OSTN: variants seen among roughly 807,000 people sequenced by gnomAD.
OSTN encodes osteocrin.
Under a neutral mutation model 12.0 loss-of-function variants are expected in OSTN, and 9 were observed. That is an observed-to-expected ratio of 0.75 (90% CI 0.45 to 1.30). The LOEUF (loss-of-function observed/expected upper bound fraction) is 1.30, where lower values mean the gene tolerates loss of function less well. Among genes scored for constraint, OSTN ranks in the 50% most tolerant of loss-of-function variants. The pLI is 0.00. For synonymous variants in OSTN, 59 were observed against 56.9 expected (o/e 1.04, Z -0.16); for missense variants, 148 against 152.3 (o/e 0.97, Z 0.15).
intron 2 of OSTN, 103 bp downstream of exon 2, chr3:191,212,737 C>A: frequency 4.5e-6 from 1 of 221,802 alleles, no homozygotes; most frequent in Non-Finnish European, 8.2e-6. Flanking sequence ...ATTTCATATA[C>A]GTAAATATAA....
chr3:191,251,343 T>C (rs906663044), intron 4 of OSTN, among the ~76,000 whole-genome samples: 3 of 152,168 alleles, frequency 2.0e-5, no homozygotes, highest in Non-Finnish European at 4.4e-5. Context: ...TAGCAATATG[T>C]TTTCTTCCAA....
intron 2 of OSTN, among the ~76,000 whole-genome samples, chr3:191,214,460 A>G (rs200647378): frequency 0.14 from 19,276 of 140,816 alleles, 2,201 homozygotes; most frequent in East Asian, 0.27. Flanking sequence ...AAAAAAAAAA[A>G]AACAGCAACA....
chr3:191,204,846 CT>C (rs1714232463), intron 1 of OSTN, among the ~76,000 whole-genome samples: 3 of 152,132 alleles, frequency 2.0e-5, no homozygotes, highest in Admixed American at 2.0e-4. Context: ...CCCTAAGTGA[CT>C]GTTGGGTGTA....
chr3:191,221,673 G>A (rs1714767647), intron 3 of OSTN, among the ~76,000 whole-genome samples: 1 of 151,964 alleles, frequency 6.6e-6, no homozygotes, highest in Non-Finnish European at 1.5e-5. Context: ...GAGGAAGCAG[G>A]GCATAAAAGT....
chr3:191,218,947 CA>C lies in OSTN; in HGVS notation c.306del (p.Gly103ValfsTer6). The C allele has an allele frequency of 6.2e-7, 1 of 1,613,390 alleles. No individual in the cohort carries two copies. The highest frequency in any genetic ancestry group is 1.1e-5 in the South Asian group (1 of 91,000). The part of the protein sequence containing the change: ...DRLSAGSVDH[K>X]GKQRKVVDHP... ...GACTCTCAGCTGGCTCTGTAGATCA[CA>C]AAGGTAAACAGAGGTAAGTGAACTC... On this transcript the variant is annotated frameshift_variant, in exon 3 of 5. Coordinates refer to ENST00000682035, the MANE Select transcript of OSTN (RefSeq NM_198184.2). LOFTEE classifies it high-confidence loss of function.
chr3:191,207,974 A>G (rs1284708869), intron 1 of OSTN, among the ~76,000 whole-genome samples: 2 of 152,234 alleles, frequency 1.3e-5, no homozygotes, highest in African/African-American at 4.8e-5. Flanking sequence ...TTGTTTATTC[A>G]GCAGAATTAT....
chr3:191,201,093 T>A (rs561175630), intron 1 of OSTN, among the ~76,000 whole-genome samples: 43 of 152,258 alleles, frequency 2.8e-4, no homozygotes, highest in South Asian at 1.2e-3. Flanking sequence ...AGGCTTCATT[T>A]TTTATTTATT....
At chr3:191,222,676 A>ATGAGATT (rs1378800278) in intron 3 of OSTN, among the ~76,000 whole-genome samples, 2 of 152,118 alleles carry the variant, frequency 1.3e-5, no homozygotes, top group Admixed American at 1.3e-4. Context: ...ATGGGAAGAT[A>ATGAGATT]TGAGATTTGG....
At chr3:191,222,622 T>G (rs1425577702) in intron 3 of OSTN, among the ~76,000 whole-genome samples, 1 of 152,212 alleles carries the variant, frequency 6.6e-6, no homozygotes, top group Non-Finnish European at 1.5e-5. Flanking sequence ...TGGAATGAGT[T>G]AAGATTTTGT....
chr3:191,211,566 T>A (rs1714417484), intron 1 of OSTN, among the ~76,000 whole-genome samples: 1 of 152,140 alleles, frequency 6.6e-6, no homozygotes, highest in South Asian at 2.1e-4. Context: ...CATTTTCAAC[T>A]TTTTTGTAAA....
intron 3 of OSTN, among the ~76,000 whole-genome samples, chr3:191,245,206 C>G (rs996440787): frequency 1.3e-5 from 2 of 152,124 alleles, no homozygotes; most frequent in African/African-American, 2.4e-5. Flanking sequence ...TACCTGATTA[C>G]CACTTTTCAA....
intron 3 of OSTN, among the ~76,000 whole-genome samples, chr3:191,240,474 C>T (rs565342511): frequency 6.6e-6 from 1 of 152,192 alleles, no homozygotes; most frequent in Admixed American, 6.5e-5. Flanking sequence ...TCTTCTCTCA[C>T]GGAATCTCAG....
chr3:191,229,995 G>A (rs1715009176), intron 3 of OSTN: 1 of 151,644 alleles, frequency 6.6e-6, no homozygotes, highest in Admixed American at 6.6e-5. Flanking sequence ...CAGCCCAGGA[G>A]GCAGAAGTTG....
rs73888511 is a variant in OSTN at position 191,253,942 on chromosome 3, C to A, written c.*12+3809C>A. Among the ~76,000 whole-genome samples the A allele has an allele frequency of 8.4e-3, 1,280 of 152,298 alleles. 20 individuals carry two copies. The highest frequency in any genetic ancestry group is 0.03 in the African/African-American group (1,226 of 41,556). Reference sequence around the variant, plus strand: ...AGCGTTTCACATATTAAAAGCCAAACTAACAGCTTTGGAGAGATTTGGATT... The same window carrying A: ...AGCGTTTCACATATTAAAAGCCAAAATAACAGCTTTGGAGAGATTTGGATT... On this transcript the variant is annotated intron_variant, in intron 4 of 4. Transcript: ENST00000682035.
At chr3:191,249,178 T>A (rs1715503970) in intron 3 of OSTN, among the ~76,000 whole-genome samples, 1 of 152,220 alleles carries the variant, frequency 6.6e-6, no homozygotes, top group Non-Finnish European at 1.5e-5. Flanking sequence ...ATAGGCTTCT[T>A]AGACTCTCCC....
intron 3 of OSTN, among the ~76,000 whole-genome samples, chr3:191,223,709 AC>A (rs1213810823): frequency 6.6e-6 from 1 of 152,182 alleles, no homozygotes; most frequent in Non-Finnish European, 1.5e-5. Flanking sequence ...AAATATTAAT[AC>A]AAAAATAATC....
intron 3 of OSTN, among the ~76,000 whole-genome samples, chr3:191,236,854 A>G (rs1275861498): frequency 2.0e-5 from 3 of 152,094 alleles, no homozygotes; most frequent in Admixed American, 6.5e-5. Context: ...GCCTCTTTTT[A>G]CCCAGCCCCT....
intron 3 of OSTN, among the ~76,000 whole-genome samples, chr3:191,249,503 C>T (rs1054759992): frequency 7.2e-5 from 11 of 151,966 alleles, no homozygotes; most frequent in Non-Finnish European, 1.6e-4. Flanking sequence ...AAGCAAATGT[C>T]GACCATCACA....
chr3:191,262,626 A>G (rs896812587), intron 4 of OSTN, among the ~76,000 whole-genome samples: 3 of 152,244 alleles, frequency 2.0e-5, no homozygotes, highest in Non-Finnish European at 2.9e-5. Flanking sequence ...TATAATTTTT[A>G]TTAAAACTTG....
Sources: gnomAD v4.1 joint callset for allele counts (sites outside exome capture counted in the v4.1 genomes callset) on GRCh38, gnomAD v4.1.1 for gene constraint, MANE v1.5 for transcripts, NCBI Gene and HGNC (gene_info 2026-07-23, HGNC 2026-07-21) for gene names.